The following ADGRG4 variants were observed in gnomAD, a reference collection of about 807,000 sequenced individuals.
ADGRG4 encodes the protein G protein-coupled receptor 112.
Under a neutral mutation model 126.2 loss-of-function variants are expected in ADGRG4, and 122 were observed. That is an observed-to-expected ratio of 0.97 (90% CI 0.83 to 1.12). The LOEUF (loss-of-function observed/expected upper bound fraction) is 1.12, where lower values mean the gene tolerates loss of function less well. Ranked by LOEUF, ADGRG4 falls within the 50% of genes most tolerant of loss-of-function variation. The pLI, the probability that ADGRG4 is intolerant of heterozygous loss-of-function variation, is 0.00. For synonymous variants in ADGRG4, 943 were observed against 838.7 expected (o/e 1.12, Z -2.15); for missense variants, 2,481 against 2,251.8 (o/e 1.10, Z -2.06).
chrX:136,371,206 A>G (rs914935707), intron 13 of ADGRG4, 122 bp from the exon 14 acceptor site: 1 of 409,236 alleles, frequency 2.4e-6, no homozygotes. Context: ...TTCCTTCTGT[A>G]AACACATTAC....
At chrX:136,375,453 A>C (rs958494636) in intron 15 of ADGRG4, among the ~76,000 whole-genome samples, 2 of 111,988 alleles carry the variant, frequency 1.8e-5, no homozygotes, top group Non-Finnish European at 3.8e-5. Context: ...TCTTTAAGGG[A>C]TCTCCATACT....
At chrX:136,313,966 T>C (rs764590688) in intron 4 of ADGRG4, among the ~76,000 whole-genome samples, 3 of 111,593 alleles carry the variant, frequency 2.7e-5, no homozygotes, top group South Asian at 7.6e-4. Flanking sequence ...CACACCATTA[T>C]GCAAACTTAG....
intron 5 of ADGRG4, among the ~76,000 whole-genome samples, chrX:136,328,678 A>G (rs2074890047): frequency 8.9e-6 from 1 of 112,022 alleles, no homozygotes; most frequent in African/African-American, 3.2e-5. Context: ...TGAATTGACT[A>G]TTCTTAAAAT....
In ADGRG4 at chrX:136,412,310, G is replaced by A. The variant is rs139763945; in HGVS notation, c.8981G>A (p.Arg2994Gln). ...CACTGTGTGATGAAGGAGAGTGTGC[G>A]GGAGCAGTGGCAGATACACCTCTGC... ...VFHCVMKESV[R>Q]EQWQIHLCCG... Residue 2994 changes from arginine (R) to glutamine (Q), a missense_variant, in exon 24 of 26, where the codon CGG (arginine) becomes CAG (glutamine). Arg to Gln is a conservative substitution (Grantham distance 43, BLOSUM62 1). Coordinates refer to ENST00000394143, the MANE Select transcript of ADGRG4 (RefSeq NM_153834.4). The A allele has an allele frequency of 7.5e-6, 9 of 1,202,660 alleles. No individual in the cohort carries two copies. Among genetic ancestry groups the A allele is most frequent in the Middle Eastern group, 4.6e-4 (2 of 4,353 alleles).
intron 3 of ADGRG4, 100 bp from the exon 4 acceptor site, chrX:136,308,669 C>G: frequency 1.8e-6 from 1 of 550,579 alleles, no homozygotes. Context: ...TAGGAAAAAA[C>G]CCTTAGGTGG....
intron 25 of ADGRG4, among the ~76,000 whole-genome samples, chrX:136,415,080 T>C (rs1295776766): frequency 8.9e-6 from 1 of 112,516 alleles, no homozygotes; most frequent in East Asian, 2.8e-4. Context: ...TGTGTGCTTC[T>C]AGTTAGATGA....
chrX:136,373,457 G>A lies in ADGRG4; in HGVS notation c.7776+393G>A, dbSNP rs187754413. On this transcript the variant is annotated intron_variant, in intron 15 of 25. Transcript: ENST00000394143. ...CCAGGATTGAAACCTATGTCTGTCT[G>A]GCTTTAAAGCCTGGGCCCTTTCCAC... Among the ~76,000 whole-genome samples, 467 of 111,965 alleles carry A rather than the reference G, an allele frequency of 4.2e-3. 2 individuals are homozygous for A. The highest frequency in any genetic ancestry group is 6.9e-3 in the Non-Finnish European group (368 of 53,139).
At chrX:136,380,294 G>GTA (rs775618617) in intron 15 of ADGRG4, among the ~76,000 whole-genome samples, 23 of 110,933 alleles carry the variant, frequency 2.1e-4, no homozygotes, top group Admixed American at 8.6e-4. Flanking sequence ...CTGATTTATA[G>GTA]TAATAAATCC....
rs767002129 is a variant in ADGRG4, at chrX:136,348,768, A to G, written c.5062A>G (p.Ile1688Val). ...SPLSSKSTGAISSIPKTTFSP... is the reference protein window; with the variant it reads ...SPLSSKSTGAVSSIPKTTFSP... ...ACTCAGTTCTAAGAGCACTGGAGCT[A>G]TTTCCTCCATTCCAAAGACCACATT... Residue 1688 changes from isoleucine (I) to valine (V), a missense_variant, in exon 6 of 26, where the codon ATT (isoleucine) becomes GTT (valine). Transcript: ENST00000394143. 4.1e-6 allele frequency: 5 copies of G among 1,205,999 alleles called. No homozygotes were observed. The highest frequency in any genetic ancestry group is 5.6e-6 in the Non-Finnish European group (5 of 893,807).
chrX:136,405,632 C>T (rs2075401625), intron 22 of ADGRG4, 60 bp from the exon 23 acceptor site: 2 of 914,984 alleles, frequency 2.2e-6, no homozygotes, highest in Non-Finnish European at 3.0e-6. Flanking sequence ...GATCTTCAGT[C>T]TCTGAGAAAT....
chrX:136,316,400 A>C (rs779417873), intron 4 of ADGRG4, among the ~76,000 whole-genome samples: 2 of 111,654 alleles, frequency 1.8e-5, no homozygotes, highest in African/African-American at 6.5e-5. Flanking sequence ...CTGAAAAAAA[A>C]AAACAAACCA....
chrX:136,328,910 G>A (rs1257193110), intron 5 of ADGRG4, among the ~76,000 whole-genome samples: 1 of 111,356 alleles, frequency 9.0e-6, no homozygotes, highest in African/African-American at 3.3e-5. Flanking sequence ...TTCACTCAAA[G>A]CCTTCTTATT....
chrX:136,379,818 G>A (rs1034724589), intron 15 of ADGRG4, among the ~76,000 whole-genome samples: 1 of 110,463 alleles, frequency 9.1e-6, no homozygotes, highest in Non-Finnish European at 1.9e-5. Flanking sequence ...CAATTCTTCC[G>A]ATCCCTGTGA....
intron 4 of ADGRG4, 48 bp downstream of exon 4, chrX:136,308,895 A>G (rs1415844742): frequency 3.9e-6 from 3 of 761,153 alleles, no homozygotes; most frequent in Admixed American, 5.1e-5. Context: ...CATGTATAGT[A>G]GGTTATAGAA....
At chrX:136,358,324 C>G (rs1248260511) in intron 10 of ADGRG4, among the ~76,000 whole-genome samples, 2 of 111,113 alleles carry the variant, frequency 1.8e-5, no homozygotes, top group Non-Finnish European at 3.8e-5. Context: ...AGGAAGGAGA[C>G]AGGATGAGCA....
chrX:136,348,673 T>C lies in ADGRG4; in HGVS notation c.4967T>C (p.Val1656Ala), dbSNP rs777685251. The stretch of plus-strand genomic sequence containing the variant: ...CCAACAGAGCCAACTTTGCCCTTTG[T>C]AAAAACCGTTCCCACCACCATTATG... ...LSPTEPTLPF[V>A]KTVPTTIMAG... The change falls in exon 6 of 26, where the codon GTA (valine) becomes GCA (alanine). Residue 1656 changes from valine to alanine, a missense_variant. Val to Ala is a moderately conservative substitution (Grantham distance 64, BLOSUM62 0). Coordinates refer to ENST00000394143, the MANE Select transcript of ADGRG4 (RefSeq NM_153834.4). 2.5e-6 allele frequency: 3 copies of C among 1,208,029 alleles called. No homozygotes were observed. The highest frequency in any genetic ancestry group is 3.5e-5 in the African/African-American group (2 of 56,798).
intron 13 of ADGRG4, among the ~76,000 whole-genome samples, chrX:136,368,262 A>G (rs188139898): frequency 1.6e-4 from 18 of 112,496 alleles, no homozygotes; most frequent in African/African-American, 5.5e-4. Flanking sequence ...TATGACTAAT[A>G]CAAAGGTTAT....
rs2075005126 is a variant in ADGRG4 at position 136,345,127 on chromosome X, T to C, written c.1421T>C (p.Ile474Thr). 1 of 1,209,612 alleles carries C rather than the reference T, an allele frequency of 8.3e-7. No homozygotes were observed. Among genetic ancestry groups the C allele is most frequent in the African/African-American group, 1.7e-5 (1 of 57,252 alleles). The change falls in exon 6 of 26, where the codon ATC becomes ACC. Residue 474 changes from isoleucine (I) to threonine (T), a missense_variant. Physicochemically the swap from Ile to Thr is moderately conservative, Grantham distance 89. Transcript: ENST00000394143. ...TCATTCCCACCTGAGCCTGTGCTCA[T>C]CTCCACAGCTGCTCCAGTAGATTCT... ...ASSFPPEPVL[I>T]STAAPVDSVF... is the part of the protein sequence containing the mutation.
intron 1 of ADGRG4, 46 bp from the exon 2 acceptor site, chrX:136,304,087 T>G (rs748516823): frequency 2.2e-4 from 24 of 111,162 alleles, no homozygotes; most frequent in Non-Finnish European, 3.8e-4. Context: ...TATATCTATC[T>G]CACATCTCAG....
Sources: allele counts gnomAD v4.1 joint callset (sites outside exome capture counted in the v4.1 genomes callset), GRCh38; gene constraint gnomAD v4.1.1; transcripts MANE v1.5; gene names NCBI Gene and HGNC (gene_info 2026-07-23, HGNC 2026-07-21).